Variants in EYA2 observed in about 807,000 individuals in gnomAD.
EYA2 encodes protein phosphatase EYA2.
EYA2 carries 31 observed loss-of-function variants against 69.2 expected under a neutral mutation model. The observed-to-expected ratio is 0.45, with a 90% CI of 0.34 to 0.60. The LOEUF is 0.60. Among genes scored for constraint, EYA2 ranks in the 20% least tolerant of loss-of-function variants. The pLI is 0.02. For synonymous variants in EYA2, 257 were observed against 279.4 expected (o/e 0.92, Z 0.80); for missense variants, 622 against 701.2 (o/e 0.89, Z 1.28).
intron 9 of EYA2, chr20:47,117,800 T>C: frequency 1.4e-6 from 1 of 694,034 alleles, no homozygotes; most frequent in Non-Finnish European, 1.8e-6. Flanking sequence ...TTTTCCCCCT[T>C]CTACCTTGAA....
chr20:47,043,653 G>A (rs1437791734), intron 5 of EYA2, among the ~76,000 whole-genome samples: 1 of 152,162 alleles, frequency 6.6e-6, no homozygotes, highest in Non-Finnish European at 1.5e-5. Context: ...CAGTATCTTT[G>A]TCTATAAAAT....
chr20:46,973,320 G>A (rs537639433), intron 1 of EYA2, among the ~76,000 whole-genome samples: 1 of 152,296 alleles, frequency 6.6e-6, no homozygotes, highest in East Asian at 1.9e-4. Context: ...AACACATCAA[G>A]AGTCTGTATA....
At chr20:47,154,919 C>T (rs1296297145) in intron 10 of EYA2, among the ~76,000 whole-genome samples, 1 of 150,954 alleles carries the variant, frequency 6.6e-6, no homozygotes, top group Non-Finnish European at 1.5e-5. Flanking sequence ...GATCTCAGCT[C>T]ACTGCAACCT....
At chr20:46,963,988 C>T (rs1259210796) in intron 1 of EYA2, among the ~76,000 whole-genome samples, 2 of 152,210 alleles carry the variant, frequency 1.3e-5, no homozygotes, top group Non-Finnish European at 2.9e-5. Flanking sequence ...GACTGCAGAT[C>T]TTAACACATC....
intron 9 of EYA2, among the ~76,000 whole-genome samples, chr20:47,103,153 A>C (rs2032471960): frequency 6.6e-6 from 1 of 152,198 alleles, no homozygotes; most frequent in African/African-American, 2.4e-5. Context: ...TGTACAATTC[A>C]GTAATTTTTA....
intron 5 of EYA2, among the ~76,000 whole-genome samples, chr20:47,060,401 C>CA (rs3085524): frequency 6.6e-6 from 1 of 151,846 alleles, no homozygotes; most frequent in Non-Finnish European, 1.5e-5. Context: ...TCACATGACT[C>CA]GGGAGGAGGT....
chr20:46,905,207 A>G (rs1984295815), intron 1 of EYA2, among the ~76,000 whole-genome samples: 1 of 151,658 alleles, frequency 6.6e-6, no homozygotes, highest in South Asian at 2.1e-4. Flanking sequence ...AAAAAAAAAT[A>G]CATGATATAC....
chr20:47,067,609 TA>T (rs997005286), intron 5 of EYA2, among the ~76,000 whole-genome samples: 35 of 151,824 alleles, frequency 2.3e-4, no homozygotes, highest in Admixed American at 5.9e-4. Flanking sequence ...ATTTTTAAAT[TA>T]AAAAAAAATT....
chr20:46,967,397 T>A (rs1414502130), intron 1 of EYA2, among the ~76,000 whole-genome samples: 1 of 152,236 alleles, frequency 6.6e-6, no homozygotes, highest in African/African-American at 2.4e-5. Context: ...TACAATTAAA[T>A]ACTCAGCTGT....
intron 10 of EYA2, among the ~76,000 whole-genome samples, chr20:47,144,346 C>T (rs1336418854): frequency 1.6e-5 from 2 of 125,476 alleles, no homozygotes; most frequent in Non-Finnish European, 3.3e-5. Context: ...CAGAGCAAGA[C>T]ACCATCAAAA....
At chr20:46,955,723 C>T (rs1450487031) in intron 1 of EYA2, among the ~76,000 whole-genome samples, 3 of 152,156 alleles carry the variant, frequency 2.0e-5, no homozygotes, top group African/African-American at 4.8e-5. Flanking sequence ...TTCATAATCT[C>T]GACATTTTTT....
At chr20:47,187,390 A>AAT (rs2034667530) in intron 15 of EYA2, among the ~76,000 whole-genome samples, 1 of 152,068 alleles carries the variant, frequency 6.6e-6, no homozygotes, top group Non-Finnish European at 1.5e-5. Flanking sequence ...ACATCATGAC[A>AAT]ATAACTTGAA....
intron 1 of EYA2, among the ~76,000 whole-genome samples, chr20:46,957,818 T>TG (rs1283695169): frequency 1.3e-5 from 2 of 152,196 alleles, no homozygotes; most frequent in Admixed American, 1.3e-4. Flanking sequence ...ACCAAGTTTG[T>TG]GCTTCTTTCT....
At chr20:46,945,892 G>A (rs1978424842) in intron 1 of EYA2, among the ~76,000 whole-genome samples, 1 of 152,230 alleles carries the variant, frequency 6.6e-6, no homozygotes, top group Non-Finnish European at 1.5e-5. Flanking sequence ...TTGACAGTGG[G>A]CCTGGCAAGG....
chr20:47,129,055 C>T (rs1032640295), intron 9 of EYA2, among the ~76,000 whole-genome samples: 5 of 152,072 alleles, frequency 3.3e-5, no homozygotes, highest in South Asian at 2.1e-4. Context: ...ACCCAGGAGG[C>T]GGAGGTTGCA....
chr20:46,979,587 T>C (rs1256701936), intron 1 of EYA2: 1 of 152,150 alleles, frequency 6.6e-6, no homozygotes, highest in African/African-American at 2.4e-5. Flanking sequence ...CTGAGTTCTC[T>C]CTTCCTTCCC....
At chr20:47,083,799 T>C (rs925981335) in intron 7 of EYA2, among the ~76,000 whole-genome samples, 17 of 152,132 alleles carry the variant, frequency 1.1e-4, no homozygotes, top group Non-Finnish European at 2.4e-4. Flanking sequence ...AAACTGGACT[T>C]CATACAAATT....
At chr20:46,948,207 C>A (rs959022464) in intron 1 of EYA2, among the ~76,000 whole-genome samples, 1 of 152,108 alleles carries the variant, frequency 6.6e-6, no homozygotes, top group Non-Finnish European at 1.5e-5. Flanking sequence ...CTGGAAAGGG[C>A]CAAATGCTAA....
At chr20:47,173,509 T>TA (rs767756028) in intron 12 of EYA2, among the ~76,000 whole-genome samples, 6,059 of 83,510 alleles carry the variant, frequency 0.073, 336 homozygotes, top group Middle Eastern at 0.2. Context: ...TGAGACCCCG[T>TA]AAAAAAAAAA....
Sources: allele counts gnomAD v4.1 joint callset (sites outside exome capture counted in the v4.1 genomes callset), GRCh38; gene constraint gnomAD v4.1.1; transcripts MANE v1.5; gene names NCBI Gene and HGNC (gene_info 2026-07-23, HGNC 2026-07-21).